Variants in PRKAR1B observed in about 807,000 individuals in gnomAD.
PRKAR1B encodes cAMP-dependent protein kinase type I-beta regulatory subunit.
PRKAR1B carries 22 observed loss-of-function variants against 46.5 expected under a neutral mutation model. That is an observed-to-expected ratio of 0.47 (90% CI 0.34 to 0.68). The LOEUF (loss-of-function observed/expected upper bound fraction) is 0.68, where lower values mean the gene tolerates loss of function less well. Among genes scored for constraint, PRKAR1B ranks in the 30% least tolerant of loss-of-function variants. The pLI is 0.01. For missense variants in PRKAR1B, 445 were observed against 535.6 expected, an observed-to-expected ratio of 0.83 and a Z score of 1.67; for synonymous variants, 259 against 217.7, an observed-to-expected ratio of 1.19 and a Z score of -1.67.
chr7:583,736 GCA>G (rs1435570335), intron 8 of PRKAR1B, among the ~76,000 whole-genome samples: 1 of 149,212 alleles, frequency 6.7e-6, no homozygotes, highest in East Asian at 2.0e-4. Flanking sequence ...CTACACACAT[GCA>G]CACACCCATG....
chr7:660,243 G>A (rs552025257), intron 4 of PRKAR1B, among the ~76,000 whole-genome samples: 94 of 151,902 alleles, frequency 6.2e-4, no homozygotes, highest in African/African-American at 1.9e-3. Flanking sequence ...CAGTCTCCCC[G>A]GGGACATGGG....
At chr7:618,311 A>G (rs1782943189) in intron 4 of PRKAR1B, among the ~76,000 whole-genome samples, 1 of 151,598 alleles carries the variant, frequency 6.6e-6, no homozygotes, top group Non-Finnish European at 1.5e-5. Context: ...TTTTCTTTAA[A>G]CCCCAGATGT....
chr7:656,998 T>C (rs111210978), intron 4 of PRKAR1B, among the ~76,000 whole-genome samples: 15,568 of 151,060 alleles, frequency 0.1, 831 homozygotes, highest in South Asian at 0.24. Context: ...GATGAATGGA[T>C]GGATGGATGG....
In PRKAR1B at chr7:677,244, T is replaced by C; in HGVS notation, c.425A>G (p.Asp142Gly). The change falls in exon 4 of 11, where the codon GAT becomes GGT. Residue 142 changes from aspartate (D) to glycine (G), a missense_variant. Coordinates refer to ENST00000537384, the MANE Select transcript of PRKAR1B (RefSeq NM_001164760.2). ...ISKNVLFAHL[D>G]DNERSDIFDA... ...GTCTGCCTACCTCCTCTCGTTGTCA[T>C]CCAGGTGAGCGAAGAGCACGTTCTT... 6.2e-7 allele frequency: 1 copy of C among 1,614,222 alleles called. No homozygotes were observed. Among genetic ancestry groups the C allele is most frequent in the Non-Finnish European group, 8.5e-7 (1 of 1,180,028 alleles).
At chr7:570,661 C>T (rs1779452860) in intron 9 of PRKAR1B, among the ~76,000 whole-genome samples, 1 of 152,180 alleles carries the variant, frequency 6.6e-6, no homozygotes, top group African/African-American at 2.4e-5. Context: ...GCTGGACTAT[C>T]TCCCTCCTCT....
intron 4 of PRKAR1B, among the ~76,000 whole-genome samples, chr7:620,769 G>T (rs1783068489): frequency 6.6e-6 from 1 of 151,950 alleles, no homozygotes; most frequent in South Asian, 2.1e-4. Context: ...TTCCAATTAG[G>T]ACTCCTCTTA....
intron 2 of PRKAR1B, among the ~76,000 whole-genome samples, chr7:681,797 C>T (rs947643381): frequency 3.3e-5 from 5 of 152,228 alleles, no homozygotes; most frequent in East Asian, 1.9e-4. Flanking sequence ...CTCATGCATC[C>T]GGCATGGTCT....
intron 7 of PRKAR1B, among the ~76,000 whole-genome samples, chr7:594,325 C>T (rs908502339): frequency 6.6e-5 from 10 of 152,096 alleles, no homozygotes; most frequent in African/African-American, 2.2e-4. Flanking sequence ...CCGAGGACCC[C>T]GGCAACACCC....
At chr7:583,069 G>T (rs9770081) in intron 8 of PRKAR1B, among the ~76,000 whole-genome samples, 46,499 of 151,672 alleles carry the variant, frequency 0.31, 8,054 homozygotes, top group Non-Finnish European at 0.37. Context: ...GGGAGGGCAG[G>T]GGGGGTGACG....
chr7:589,290 G>A (rs957141523), intron 7 of PRKAR1B, among the ~76,000 whole-genome samples: 11 of 151,736 alleles, frequency 7.2e-5, no homozygotes, highest in African/African-American at 2.7e-4. Flanking sequence ...ACCGCTCCAC[G>A]GGTGCCATGT....
intron 9 of PRKAR1B, among the ~76,000 whole-genome samples, chr7:563,450 C>G (rs1778931602): frequency 6.6e-6 from 1 of 152,278 alleles, no homozygotes; most frequent in Admixed American, 6.5e-5. Context: ...CAACAGCCCC[C>G]CGGCTTGGGT....
intron 2 of PRKAR1B, among the ~76,000 whole-genome samples, chr7:694,744 C>A (rs1779631802): frequency 6.6e-6 from 1 of 152,024 alleles, no homozygotes; most frequent in Non-Finnish European, 1.5e-5. Context: ...CACTCAAGAA[C>A]CAGGTGAAGG....
At chr7:637,154 G>GT (rs1170187757) in intron 4 of PRKAR1B, among the ~76,000 whole-genome samples, 1 of 152,186 alleles carries the variant, frequency 6.6e-6, no homozygotes, top group African/African-American at 2.4e-5. Flanking sequence ...GGGCGTGGTG[G>GT]TGCACACCTG....
chr7:553,931 GGGC>G (rs1784407021), intron 9 of PRKAR1B, among the ~76,000 whole-genome samples: 1 of 152,260 alleles, frequency 6.6e-6, no homozygotes, highest in Admixed American at 6.5e-5. Flanking sequence ...ACAACAGACC[GGGC>G]GGCTGAGTGC....
chr7:616,994 T>TC (rs1172524137), intron 4 of PRKAR1B, among the ~76,000 whole-genome samples: 2 of 147,920 alleles, frequency 1.4e-5, no homozygotes, highest in African/African-American at 5.0e-5. Context: ...CCAAGTGCTT[T>TC]TTTTTTTTTT....
chr7:590,079 C>T (rs1293614790), intron 7 of PRKAR1B, among the ~76,000 whole-genome samples: 1 of 152,340 alleles, frequency 6.6e-6, no homozygotes, highest in Non-Finnish European at 1.5e-5. Flanking sequence ...GCCTGGCTCC[C>T]TGGGCCCTGC....
At position 644,067 on chromosome 7, in the gene PRKAR1B, A is replaced by T. The variant is rs147444485; in HGVS notation, c.440+33162T>A. Reference sequence around the variant, plus strand: ...CTACGAAGCTAGGGGCGGCTGCTACACGGCCCACTACACTAAGCCCTAAGT... The same window carrying T: ...CTACGAAGCTAGGGGCGGCTGCTACTCGGCCCACTACACTAAGCCCTAAGT... On this transcript the variant is annotated intron_variant, in intron 4 of 10. Coordinates refer to ENST00000537384, the MANE Select transcript of PRKAR1B (RefSeq NM_001164760.2). This position sits in a 1 kb window ranked among gnomAD's most constrained non-coding sequence, Gnocchi z 4.9. 1.7e-3 allele frequency among the ~76,000 whole-genome samples: 259 copies of T among 152,224 alleles called. No homozygotes were observed. The highest frequency in any genetic ancestry group is 2.8e-3 in the Non-Finnish European group (188 of 68,008).
chr7:695,825 G>A (rs759247687), intron 2 of PRKAR1B, among the ~76,000 whole-genome samples: 3 of 151,856 alleles, frequency 2.0e-5, no homozygotes, highest in Non-Finnish European at 2.9e-5. Flanking sequence ...CACCATGCCC[G>A]GCTAATTTTT....
At chr7:577,301 G>C (rs999846780) in intron 9 of PRKAR1B, among the ~76,000 whole-genome samples, 1 of 152,196 alleles carries the variant, frequency 6.6e-6, no homozygotes, top group Admixed American at 6.5e-5. Context: ...CCTCCTTCTG[G>C]ACCCAAAATG....
Sources: gnomAD v4.1 joint callset for allele counts (sites outside exome capture counted in the v4.1 genomes callset) on GRCh38, gnomAD v4.1.1 for gene constraint, Gnocchi (gnomAD v3.1) non-coding constraint, MANE v1.5 for transcripts, NCBI Gene and HGNC (gene_info 2026-07-23, HGNC 2026-07-21) for gene names.